GRM3: variants seen among roughly 807,000 people sequenced by gnomAD.
GRM3 encodes the protein glutamate metabotropic receptor 3.
A neutral mutation model predicts 70.5 loss-of-function variants in GRM3; 26 were observed. The ratio of observed to expected loss-of-function variants is 0.37; its 90% CI spans 0.27 to 0.51. The LOEUF is 0.51. Among genes scored for constraint, GRM3 ranks in the 20% least tolerant of loss-of-function variants. The probability of loss-of-function intolerance (pLI) is 0.93; values close to 1 mark genes in which losing one functional copy is unlikely to be tolerated. For synonymous variants in GRM3, 443 were observed against 434.9 expected, an observed-to-expected ratio of 1.02 and a Z score of -0.23; for missense variants, 859 against 1,123.8, an observed-to-expected ratio of 0.76 and a Z score of 3.37.
intron 1 of GRM3, among the ~76,000 whole-genome samples, chr7:86,762,677 G>A (rs1796508486): frequency 6.6e-6 from 1 of 152,136 alleles, no homozygotes; most frequent in African/African-American, 2.4e-5. Flanking sequence ...AAAGCCAGAA[G>A]TCAACAGTTT....
At chr7:86,851,344 T>A (rs1798751461) in intron 5 of GRM3, among the ~76,000 whole-genome samples, 1 of 152,146 alleles carries the variant, frequency 6.6e-6, no homozygotes, top group South Asian at 2.1e-4. Context: ...TGAAACACTA[T>A]CCTTAGAGAA....
At chr7:86,742,899 T>A (rs552249220) in intron 1 of GRM3, among the ~76,000 whole-genome samples, 68 of 152,262 alleles carry the variant, frequency 4.5e-4, no homozygotes, top group African/African-American at 1.5e-3. Context: ...GTATTTACTA[T>A]ATGTGACTTG....
At chr7:86,764,934 G>A in intron 1 of GRM3, 72 bp from the exon 2 acceptor site, 2 of 1,096,862 alleles carry the variant, frequency 1.8e-6, no homozygotes, top group East Asian at 2.8e-5. Context: ...TTAAAGGTCT[G>A]ATTGGGCATG....
chr7:86,832,117 T>G (rs1466868171), intron 3 of GRM3, among the ~76,000 whole-genome samples: 1 of 152,198 alleles, frequency 6.6e-6, no homozygotes, highest in African/African-American at 2.4e-5. Flanking sequence ...TCTTGACTTC[T>G]AACATAGTCT....
chr7:86,747,803 G>T (rs911814302), intron 1 of GRM3, among the ~76,000 whole-genome samples: 3 of 152,064 alleles, frequency 2.0e-5, no homozygotes, highest in African/African-American at 7.2e-5. Context: ...AATAAACATG[G>T]AGTTGTTCAA....
intron 1 of GRM3, among the ~76,000 whole-genome samples, chr7:86,703,357 A>T (rs1794988087): frequency 6.6e-6 from 1 of 151,970 alleles, no homozygotes; most frequent in African/African-American, 2.4e-5. Flanking sequence ...TGAAAGGTTC[A>T]TGGAATTTCT....
intron 1 of GRM3, among the ~76,000 whole-genome samples, chr7:86,691,712 T>C (rs1388716567): frequency 6.6e-6 from 1 of 152,190 alleles, no homozygotes; most frequent in African/African-American, 2.4e-5. Context: ...GGGTTCCTTA[T>C]GAAAGTATAA....
chr7:86,854,799 G>A (rs1284533828), intron 5 of GRM3, among the ~76,000 whole-genome samples: 1 of 152,166 alleles, frequency 6.6e-6, no homozygotes, highest in Non-Finnish European at 1.5e-5. Context: ...TATCAGTGCA[G>A]TCACTGCAGG....
chr7:86,839,644 G>C lies in GRM3; in HGVS notation c.2130G>C (p.Glu710Asp). 2 of 1,613,874 alleles carry C rather than the reference G, an allele frequency of 1.2e-6. No homozygotes were observed. The highest frequency in any genetic ancestry group is 1.7e-6 in the Non-Finnish European group (2 of 1,179,868). The change falls in exon 4 of 6, where the codon GAG becomes GAC. Residue 710 changes from glutamate to aspartate, a missense_variant. Glu to Asp is a conservative substitution (Grantham distance 45, BLOSUM62 2). Coordinates refer to ENST00000361669, the MANE Select transcript of GRM3 (RefSeq NM_000840.3). This position sits in a 1 kb window ranked among gnomAD's most constrained non-coding sequence, Gnocchi z 4.5. ...IVMVSVWLIL[E>D]APGTRRYTLA... Reference sequence around the variant, plus strand: ...TGGTGTCTGTGTGGCTCATCCTGGAGGCCCCAGGCACCAGGAGGTATACCC... The same window carrying C: ...TGGTGTCTGTGTGGCTCATCCTGGACGCCCCAGGCACCAGGAGGTATACCC...
intron 1 of GRM3, among the ~76,000 whole-genome samples, chr7:86,745,289 A>G (rs778618389): frequency 1.6e-4 from 25 of 152,048 alleles, no homozygotes; most frequent in Non-Finnish European, 2.6e-4. Context: ...ATTCATGGCC[A>G]TGCTGCTGAG....
intron 3 of GRM3, among the ~76,000 whole-genome samples, chr7:86,805,630 C>G (rs540632282): frequency 6.6e-6 from 1 of 152,340 alleles, no homozygotes; most frequent in Non-Finnish European, 1.5e-5. Flanking sequence ...CTCATCTTTT[C>G]ACTGTCTCCA....
chr7:86,669,751 C>T (rs1378273056), intron 1 of GRM3, among the ~76,000 whole-genome samples: 1 of 152,156 alleles, frequency 6.6e-6, no homozygotes, highest in African/African-American at 2.4e-5. Context: ...AAAAAATCTT[C>T]CTCAAACTGC....
chr7:86,737,093 C>T (rs1795879562), intron 1 of GRM3, among the ~76,000 whole-genome samples: 1 of 152,052 alleles, frequency 6.6e-6, no homozygotes, highest in Non-Finnish European at 1.5e-5. Context: ...TGGCCAAACT[C>T]AGCTGCTAGG....
At chr7:86,818,660 G>A (rs755531256) in intron 3 of GRM3, among the ~76,000 whole-genome samples, 7 of 151,970 alleles carry the variant, frequency 4.6e-5, no homozygotes, top group Admixed American at 1.3e-4. Flanking sequence ...TGATTAGAAG[G>A]AACAATTGGG....
At chr7:86,676,096 C>A (rs1562822072) in intron 1 of GRM3, among the ~76,000 whole-genome samples, 1 of 151,902 alleles carries the variant, frequency 6.6e-6, no homozygotes, top group Non-Finnish European at 1.5e-5. Flanking sequence ...TACCTTAAAG[C>A]CTTAGGCTTT....
intron 1 of GRM3, among the ~76,000 whole-genome samples, chr7:86,711,147 G>A (rs1278839587): frequency 3.3e-5 from 5 of 151,680 alleles, no homozygotes; most frequent in Non-Finnish European, 5.9e-5. Context: ...GGCTCAATAT[G>A]ATTTGTCTTC....
At chr7:86,710,286 T>C (rs1003738266) in intron 1 of GRM3, 1 of 152,006 alleles carries the variant, frequency 6.6e-6, no homozygotes, top group Non-Finnish European at 1.5e-5. Context: ...AATGCCTATT[T>C]TTTTTCATTT....
intron 2 of GRM3, among the ~76,000 whole-genome samples, chr7:86,778,095 G>T (rs1796942235): frequency 6.6e-6 from 1 of 152,204 alleles, no homozygotes. Context: ...TTAGAAAACA[G>T]CCCCAAAAAG....
At chr7:86,696,764 G>C (rs943821405) in intron 1 of GRM3, among the ~76,000 whole-genome samples, 4 of 152,020 alleles carry the variant, frequency 2.6e-5, no homozygotes, top group Admixed American at 2.0e-4. Context: ...TCAAACACTG[G>C]GTTAGATGTC....
Sources: allele counts gnomAD v4.1 joint callset (sites outside exome capture counted in the v4.1 genomes callset), GRCh38; gene constraint gnomAD v4.1.1; non-coding constraint Gnocchi (gnomAD v3.1); transcripts MANE v1.5; gene names NCBI Gene and HGNC (gene_info 2026-07-23, HGNC 2026-07-21).